The following COL6A5 variants were observed in gnomAD, a reference collection of about 807,000 sequenced individuals.
The protein encoded by COL6A5 is collagen type VI alpha 5 chain, also known as collagen alpha-5(VI) chain.
COL6A5 carries 48 observed loss-of-function variants against 65.6 expected under a neutral mutation model. That is an observed-to-expected ratio of 0.73 (90% CI 0.58 to 0.93). The LOEUF (loss-of-function observed/expected upper bound fraction) is 0.93. Among genes scored for constraint, COL6A5 ranks in the 40% least tolerant of loss-of-function variants. The pLI is 0.00. For missense variants in COL6A5, 914 were observed against 928.3 expected, an observed-to-expected ratio of 0.98 and a Z score of 0.20; for synonymous variants, 291 against 322.8, an observed-to-expected ratio of 0.90 and a Z score of 1.05.
intron 6 of COL6A5, among the ~76,000 whole-genome samples, chr3:130,390,078 A>G (rs1936340053): frequency 6.6e-6 from 1 of 152,150 alleles, no homozygotes. Context: ...CTTAATTGGA[A>G]TTTTCTTCTT....
chr3:130,483,658 A>G (rs1197728610), intron 7 of COL6A5, among the ~76,000 whole-genome samples: 1 of 152,194 alleles, frequency 6.6e-6, no homozygotes, highest in African/African-American at 2.4e-5. Context: ...ACAGAAAACG[A>G]AAGAATATTG....
At chr3:130,476,790 A>G in intron 7 of COL6A5, 1 of 581,258 alleles carries the variant, frequency 1.7e-6, no homozygotes, top group Non-Finnish European at 3.2e-6. Flanking sequence ...ATTATTCTTC[A>G]TTATTTTCTC....
chr3:130,451,621 TGGGCTGTGTGAGTCG>T (rs532173736), intron 4 of COL6A5, among the ~76,000 whole-genome samples: 143 of 152,202 alleles, frequency 9.4e-4, no homozygotes, highest in African/African-American at 3.2e-3. Flanking sequence ...TATATGATCC[TGGGCTGTGTGAGTCG>T]GGGCTGCAGG....
Position 130,385,375 on chromosome 3 carries a change from C to CA in COL6A5, c.1861+17dup. The CA allele has an allele frequency of 1.3e-6, 2 of 1,538,686 alleles. No individual in the cohort carries two copies. The highest frequency in any genetic ancestry group is 1.8e-6 in the Non-Finnish European group (2 of 1,142,352). ...TCTGCGCTGAAAAAGGTAAGCAACA[C>CA]AAAAAAGGCTTTATTCTCCACATTT... On this transcript the variant is annotated intron_variant and NMD_transcript_variant, in intron 5 of 41. Transcript: ENST00000312481.
At chr3:130,367,265 C>T (rs142708012) in intron 1 of COL6A5, among the ~76,000 whole-genome samples, 21 of 152,170 alleles carry the variant, frequency 1.4e-4, no homozygotes, top group African/African-American at 5.1e-4. Context: ...AAAAGAAGAA[C>T]TTGAGAAACA....
At position 130,357,270 on chromosome 3, in the gene COL6A5, C is replaced by T. The variant is rs578159727; in HGVS notation, c.-29+11289C>T. ...GGCACATGAATGATAACTGCAAAAT[C>T]TAACTAAAGAAGCAACAGAAAATCT... On this transcript the variant is annotated intron_variant and NMD_transcript_variant, in intron 1 of 41. Coordinates refer to the COL6A5 transcript ENST00000312481. Among the ~76,000 whole-genome samples, 467 of 152,246 alleles carry T rather than the reference C, an allele frequency of 3.1e-3. 2 individuals carry two copies. The highest frequency in any genetic ancestry group is 5.3e-3 in the Non-Finnish European group (357 of 68,000).
chr3:130,469,682 C>A (rs1415705016), intron 6 of COL6A5, among the ~76,000 whole-genome samples: 1 of 151,976 alleles, frequency 6.6e-6, no homozygotes, highest in Admixed American at 6.6e-5. Flanking sequence ...AAAGTTTTAG[C>A]CAGGAAATCC....
In COL6A5 at chr3:130,395,478, T is replaced by TGTTTG; in HGVS notation, c.3568+18_3568+22dup. On this transcript the variant is annotated intron_variant and NMD_transcript_variant, in intron 8 of 41. Coordinates refer to the COL6A5 transcript ENST00000312481. ...TGTGGGAAAACCAGTAAGTGCTTCT[T>TGTTTG]GTTTGGTTTTCTTCCATGGAAACTT... 6.5e-7 allele frequency: 1 copy of TGTTTG among 1,526,796 alleles called. No individual in the cohort carries two copies. Among genetic ancestry groups the TGTTTG allele is most frequent in the Non-Finnish European group, 8.8e-7 (1 of 1,138,842 alleles). The allele number at this position is 1,526,796 out of a possible 1,614,324, so 94.6% of individuals were successfully genotyped here. A position where few individuals can be genotyped will look rare whatever the true frequency, so the allele number is the denominator to read the frequency against.
At chr3:130,433,912 T>C (rs947363568) in intron 1 of COL6A5, among the ~76,000 whole-genome samples, 4 of 151,990 alleles carry the variant, frequency 2.6e-5, no homozygotes, top group African/African-American at 9.7e-5. Context: ...TTATTTCTTT[T>C]GGCAAGTCTG....
At chr3:130,438,562 G>A (rs1008292061) in intron 1 of COL6A5, among the ~76,000 whole-genome samples, 5 of 152,134 alleles carry the variant, frequency 3.3e-5, no homozygotes, top group African/African-American at 1.2e-4. Context: ...ATAGAGAGTA[G>A]GAATGTAGTA....
At chr3:130,385,324 C>T in exon 5 of COL6A5, 5 of 1,550,178 alleles carry the variant, frequency 3.2e-6, no homozygotes, top group Non-Finnish European at 3.5e-6. Context: ...CTTTGAAAAG[C>T]ATAAAAAATG....
intron 6 of COL6A5, 37 bp from the exon 39 acceptor site, chr3:130,470,834 G>A (rs369916753): frequency 4.8e-6 from 7 of 1,464,238 alleles, no homozygotes; most frequent in Middle Eastern, 1.7e-4. Context: ...AATGTAGGTG[G>A]GTAAAATTTA....
exon 13 of COL6A5, chr3:130,403,652 A>G: frequency 6.4e-7 from 1 of 1,550,758 alleles, no homozygotes; most frequent in Non-Finnish European, 8.7e-7. Flanking sequence ...AGGGGAGAGG[A>G]TGGAAACCCT....
In COL6A5 at chr3:130,380,070, T is replaced by A; in HGVS notation, c.1300+20T>A. 1 of 1,445,850 alleles carries A rather than the reference T, an allele frequency of 6.9e-7. No individual in the cohort carries two copies. Among genetic ancestry groups the A allele is most frequent in the Non-Finnish European group, 9.2e-7 (1 of 1,084,394 alleles). The allele number at this position is 1,445,850 out of a possible 1,614,324, so 89.6% of individuals were successfully genotyped here. Reference sequence around the variant, plus strand: ...AAACTGGTATGTTTTTTAAAATACTTTTCTAATTATAAAATTAATATAAGT... The same window carrying A: ...AAACTGGTATGTTTTTTAAAATACTATTCTAATTATAAAATTAATATAAGT... On this transcript the variant is annotated intron_variant and NMD_transcript_variant, in intron 4 of 41. Transcript: ENST00000312481.
intron 2 of COL6A5, among the ~76,000 whole-genome samples, chr3:130,374,662 C>T (rs1335562914): frequency 1.3e-5 from 2 of 152,124 alleles, no homozygotes; most frequent in Admixed American, 6.5e-5. Flanking sequence ...TCATCTTGCA[C>T]AGGCTGGTCT....
At position 130,414,049 on chromosome 3, in the gene COL6A5, T is replaced by C; in HGVS notation, c.4699-20T>C. 1 of 1,484,836 alleles carries C rather than the reference T, an allele frequency of 6.7e-7. No homozygotes were observed. The highest frequency in any genetic ancestry group is 9.2e-7 in the Non-Finnish European group (1 of 1,089,546). 92.0% of individuals were successfully genotyped at this position (1,484,836 alleles called of 1,614,324 possible). ...AACAACGTGTAGAAATGCTTGACAC[T>C]GGAAACTCTTGTTCATCAGGGAGAA... On this transcript the variant is annotated intron_variant and NMD_transcript_variant, in intron 21 of 41. Transcript: ENST00000312481.
chr3:130,431,130 A>G (rs796815123), upstream of COL6A5, among the ~76,000 whole-genome samples: 21 of 152,326 alleles, frequency 1.4e-4, no homozygotes, highest in African/African-American at 4.8e-4. Flanking sequence ...CCAAATGTGT[A>G]GATTCATGTA....
intron 8 of COL6A5, among the ~76,000 whole-genome samples, chr3:130,396,546 G>A (rs980919945): frequency 2.0e-5 from 3 of 152,214 alleles, no homozygotes; most frequent in Non-Finnish European, 4.4e-5. Context: ...TTTGTTTGTC[G>A]CATCCAGCGT....
exon 3 of COL6A5, chr3:130,376,753 T>C: frequency 6.2e-7 from 1 of 1,613,664 alleles, no homozygotes; most frequent in Non-Finnish European, 8.5e-7. Flanking sequence ...ATCAGAGACC[T>C]CAGCACATTT....
Sources: allele counts gnomAD v4.1 joint callset (sites outside exome capture counted in the v4.1 genomes callset), GRCh38; gene constraint gnomAD v4.1.1; transcripts MANE v1.5; gene names NCBI Gene and HGNC (gene_info 2026-07-23, HGNC 2026-07-21).